Variants in MAP3K1 observed in about 807,000 individuals in gnomAD.
MAP3K1 encodes mitogen-activated protein kinase kinase kinase 1, also known as MAP/ERK kinase kinase 1.
A neutral mutation model predicts 144.2 loss-of-function variants in MAP3K1; 36 were observed. That is an observed-to-expected ratio of 0.25 (90% CI 0.19 to 0.33). The LOEUF is 0.33. Among genes scored for constraint, MAP3K1 ranks in the 10% least tolerant of loss-of-function variants. The pLI, the probability that MAP3K1 is intolerant of heterozygous loss-of-function variation, is 1.00. For synonymous variants in MAP3K1, 718 were observed against 688.7 expected, an observed-to-expected ratio of 1.04 and a Z score of -0.67; for missense variants, 1,650 against 1,881.9, an observed-to-expected ratio of 0.88 and a Z score of 2.28.
intron 2 of MAP3K1, 60 bp downstream of exon 2, chr5:56,856,810 A>G: frequency 6.5e-7 from 1 of 1,537,298 alleles, no homozygotes; most frequent in Non-Finnish European, 9.0e-7. Flanking sequence ...TGGAAAAGTA[A>G]GCATAAATAG....
In MAP3K1 at chr5:56,884,745, C is replaced by T. The variant is rs770727331; in HGVS notation, c.3901C>T (p.Leu1301=). Reference sequence around the variant, plus strand: ...AGAAGAGATAAGAATGATGAGCCATCTGAATCATCCAAACATCATTAGGAT... The same window carrying T: ...AGAAGAGATAAGAATGATGAGCCATTTGAATCATCCAAACATCATTAGGAT... ...LREEIRMMSH[L]NHPNIIRMLG... is the part of the protein sequence containing the mutation. The change falls in exon 16 of 20, where the codon CTG becomes TTG. Residue 1301 remains leucine, a synonymous_variant. Coordinates refer to ENST00000399503, the MANE Select transcript of MAP3K1 (RefSeq NM_005921.2). The T allele has an allele frequency of 3.1e-6, 5 of 1,613,446 alleles. No individual in the cohort carries two copies. In the South Asian group the frequency reaches 5.5e-5, roughly 18 times the overall value.
chr5:56,868,510 G>A (rs944560064), intron 6 of MAP3K1, among the ~76,000 whole-genome samples: 13 of 151,932 alleles, frequency 8.6e-5, no homozygotes, highest in Admixed American at 7.9e-4. Context: ...TCAGCCTCCC[G>A]AGTAGCTGGG....
intron 10 of MAP3K1, among the ~76,000 whole-genome samples, chr5:56,876,115 C>T (rs1748019450): frequency 7.0e-6 from 1 of 142,470 alleles, no homozygotes; most frequent in South Asian, 2.1e-4. Context: ...GCGTATATGT[C>T]TCTTTAGGGC....
At chr5:56,880,839 T>C (rs1748183056) in intron 12 of MAP3K1, 37 bp downstream of exon 12, 1 of 1,511,004 alleles carries the variant, frequency 6.6e-7, no homozygotes, top group Admixed American at 1.7e-5. Flanking sequence ...ATAGCATATT[T>C]TATCATGTTC....
Position 56,820,806 on chromosome 5 carries a change from T to C in MAP3K1, c.482+4751T>C, listed in dbSNP as rs562631910. On this transcript the variant is annotated intron_variant, in intron 1 of 19. Coordinates refer to ENST00000399503, the MANE Select transcript of MAP3K1 (RefSeq NM_005921.2). ...AGAAAAAGATCATGAGTGCACAAGC[T>C]GTTTCTGTCGGTAGGTTGTAGTATG... is the stretch of plus-strand genomic sequence containing the variant. The C allele has an allele frequency of 4.8e-5, 47 of 985,394 alleles. No individual in the cohort carries two copies. The African/African-American group carries it at 8.2e-4, about 17-fold the overall frequency. The allele number at this position is 985,394 out of a possible 1,614,324, so 61.0% of individuals were successfully genotyped here. A position where few individuals can be genotyped will look rare whatever the true frequency, so the allele number is the denominator to read the frequency against.
At chr5:56,849,104 T>C (rs543657009) in intron 1 of MAP3K1, among the ~76,000 whole-genome samples, 1 of 152,330 alleles carries the variant, frequency 6.6e-6, no homozygotes, top group Non-Finnish European at 1.5e-5. Flanking sequence ...TCTAGCACTT[T>C]GGGAGGCCAG....
intron 1 of MAP3K1, among the ~76,000 whole-genome samples, chr5:56,843,355 C>A (rs58151318): frequency 6.6e-6 from 1 of 152,182 alleles, no homozygotes; most frequent in East Asian, 1.9e-4. Flanking sequence ...CCCACCAGTC[C>A]TGCCAGTAAC....
chr5:56,823,608 G>T (rs1472178708), intron 1 of MAP3K1, among the ~76,000 whole-genome samples: 2 of 152,204 alleles, frequency 1.3e-5, no homozygotes, highest in African/African-American at 4.8e-5. Flanking sequence ...CAAATTAGTG[G>T]ATCCACTGTT....
At chr5:56,848,076 T>C (rs919597382) in intron 1 of MAP3K1, among the ~76,000 whole-genome samples, 1 of 148,638 alleles carries the variant, frequency 6.7e-6, no homozygotes, top group African/African-American at 2.5e-5. Flanking sequence ...ATGTACTTTA[T>C]AGACTGAGTC....
intron 1 of MAP3K1, among the ~76,000 whole-genome samples, chr5:56,831,138 C>T (rs1581210900): frequency 6.8e-6 from 1 of 146,438 alleles, no homozygotes; most frequent in East Asian, 2.0e-4. Context: ...CCAGTTCTGT[C>T]TTCTATAACT....
At chr5:56,875,007 A>C (rs1268011680) in intron 9 of MAP3K1, 25 bp from the exon 10 acceptor site, 8 of 1,613,342 alleles carry the variant, frequency 5.0e-6, no homozygotes, top group Non-Finnish European at 6.8e-6. Flanking sequence ...CTTTACATTG[A>C]ATTCATCGTG....
rs537847860 is a variant in MAP3K1, at chr5:56,828,970, G to T, written c.482+12915G>T. 8.0e-4 allele frequency among the ~76,000 whole-genome samples: 122 copies of T among 152,040 alleles called. 2 individuals are homozygous for T. In the South Asian group the frequency reaches 0.012, roughly 15 times the overall value. ...ATTTACATTTAATTATATTTTGGGG[G>T]TTTTTTCATGTAATTTGGATAGAGT... is the stretch of plus-strand genomic sequence containing the variant. On this transcript the variant is annotated intron_variant, in intron 1 of 19. Coordinates refer to ENST00000399503, the MANE Select transcript of MAP3K1 (RefSeq NM_005921.2).
chr5:56,860,748 G>A (rs1747482683), intron 3 of MAP3K1, among the ~76,000 whole-genome samples: 1 of 152,054 alleles, frequency 6.6e-6, no homozygotes, highest in East Asian at 1.9e-4. Context: ...AGCTACTCGG[G>A]GGGCTGAGGC....
At chr5:56,841,110 A>G (rs910063747) in intron 1 of MAP3K1, among the ~76,000 whole-genome samples, 2 of 151,982 alleles carry the variant, frequency 1.3e-5, no homozygotes, top group African/African-American at 4.8e-5. Flanking sequence ...CACACCTGTA[A>G]TCCCAGCCCT....
chr5:56,818,363 C>A (rs542053595), intron 1 of MAP3K1, among the ~76,000 whole-genome samples: 1 of 151,712 alleles, frequency 6.6e-6, no homozygotes, highest in East Asian at 1.9e-4. Context: ...TTATGTTTTA[C>A]TTTTTTTTGA....
At chr5:56,873,093 TA>T (rs1465667994) in intron 9 of MAP3K1, 88 bp downstream of exon 9, 2 of 1,278,158 alleles carry the variant, frequency 1.6e-6, no homozygotes, top group Non-Finnish European at 2.2e-6. Context: ...GTTCATAATT[TA>T]AAAAAACACT....
In MAP3K1 at chr5:56,879,199, A is replaced by G. The variant is rs952183141; in HGVS notation, c.2087+98A>G. 112 of 1,390,410 alleles carry G rather than the reference A, an allele frequency of 8.1e-5. 1 individual carries two copies. The African/African-American group carries it at 1.5e-3, about 19-fold the overall frequency. 86.1% of individuals were successfully genotyped at this position (1,390,410 alleles called of 1,614,324 possible). A position where few individuals can be genotyped will look rare whatever the true frequency, so the allele number is the denominator to read the frequency against. The stretch of plus-strand genomic sequence containing the variant: ...TGTGAATATCTGATACATTTTATTA[A>G]ATGAGTCTTTGAACATTGTCTTTTA... On this transcript the variant is annotated intron_variant, in intron 11 of 19. Transcript: ENST00000399503.
chr5:56,827,742 T>TACA (rs1421216928), intron 1 of MAP3K1, among the ~76,000 whole-genome samples: 1 of 152,106 alleles, frequency 6.6e-6, no homozygotes, highest in African/African-American at 2.4e-5. Context: ...TGTGTGCCTG[T>TACA]AATCCCAGCT....
At chr5:56,847,644 A>G (rs1396593380) in intron 1 of MAP3K1, among the ~76,000 whole-genome samples, 2 of 152,234 alleles carry the variant, frequency 1.3e-5, no homozygotes, top group East Asian at 1.9e-4. Flanking sequence ...TCAAATTCAT[A>G]TTTGAATATT....
Sources: gnomAD v4.1 joint callset for allele counts (sites outside exome capture counted in the v4.1 genomes callset) on GRCh38, gnomAD v4.1.1 for gene constraint, MANE v1.5 for transcripts, NCBI Gene and HGNC (gene_info 2026-07-23, HGNC 2026-07-21) for gene names.